SETBP1: variants seen among roughly 807,000 people sequenced by gnomAD.
SETBP1 encodes SET binding protein 1, also known as SET-binding protein.
Under a neutral mutation model 101.0 loss-of-function variants are expected in SETBP1, and 9 were observed. That is an observed-to-expected ratio of 0.09 (90% CI 0.05 to 0.16). The LOEUF is 0.16. Ranked by LOEUF, SETBP1 falls within the 10% of genes least tolerant of loss-of-function variation. The pLI is 1.00. For synonymous variants in SETBP1, 818 were observed against 788.5 expected, an observed-to-expected ratio of 1.04 and a Z score of -0.63; for missense variants, 1,858 against 2,033.8, an observed-to-expected ratio of 0.91 and a Z score of 1.66.
At chr18:45,058,704 A>G (rs188485593) in intron 5 of SETBP1, among the ~76,000 whole-genome samples, 1 of 152,366 alleles carries the variant, frequency 6.6e-6, no homozygotes, top group Admixed American at 6.5e-5. Context: ...GGAGAAATAA[A>G]TGAAATTCAG....
chr18:45,002,799 C>A (rs1220535101), intron 4 of SETBP1, among the ~76,000 whole-genome samples: 1 of 152,100 alleles, frequency 6.6e-6, no homozygotes, highest in East Asian at 1.9e-4. Flanking sequence ...GTTTGTTTTA[C>A]CCTTTCAGGC....
intron 2 of SETBP1, among the ~76,000 whole-genome samples, chr18:44,761,239 C>T (rs1311117757): frequency 1.3e-5 from 2 of 152,144 alleles, no homozygotes; most frequent in East Asian, 1.9e-4. Context: ...TTACCATATA[C>T]ATTACATTAA....
Position 44,951,701 on chromosome 18 carries a change from T to C in SETBP1, c.2361T>C (p.Asn787=). 1 of 1,614,144 alleles carries C rather than the reference T, an allele frequency of 6.2e-7. No homozygotes were observed. Among genetic ancestry groups the C allele is most frequent in the Non-Finnish European group, 8.5e-7 (1 of 1,180,036 alleles). The change falls in exon 4 of 6, where the codon AAT becomes AAC. Residue 787 remains asparagine, a synonymous_variant. Coordinates refer to ENST00000649279, the MANE Select transcript of SETBP1 (RefSeq NM_015559.3). This position sits in a 1 kb window ranked among gnomAD's most constrained non-coding sequence, Gnocchi z 7.8. ...HPLSTQLGGS[N]GNLSPASTET... is the part of the protein sequence containing the mutation. ...TTTCAACACAGTTAGGTGGGTCCAA[T>C]GGCAACCTGAGCCCTGCCAGCACTG...
In SETBP1 at chr18:44,814,715, G is replaced by A. The variant is rs146199282; in HGVS notation, c.487-54515G>A. On this transcript the variant is annotated intron_variant, in intron 2 of 5. Transcript: ENST00000649279. Reference sequence around the variant, plus strand: ...TAGATGCAGGCTGGCCGCACTCTGAGCTGTAACCTCTGATGTCGGGCAGTG... The same window carrying A: ...TAGATGCAGGCTGGCCGCACTCTGAACTGTAACCTCTGATGTCGGGCAGTG... Among the ~76,000 whole-genome samples the A allele has an allele frequency of 3.6e-3, 553 of 152,362 alleles. 3 individuals carry two copies. Among genetic ancestry groups the A allele is most frequent in the African/African-American group, 0.013 (535 of 41,578 alleles).
intron 3 of SETBP1, among the ~76,000 whole-genome samples, chr18:44,942,384 G>A (rs2071107039): frequency 6.6e-6 from 1 of 152,132 alleles, no homozygotes; most frequent in Non-Finnish European, 1.5e-5. Context: ...AATTTTTCCA[G>A]ATACTTAAGA....
intron 2 of SETBP1, among the ~76,000 whole-genome samples, chr18:44,868,713 AGGAAGGAAG>A (rs2069194218): frequency 3.2e-4 from 1 of 3,110 alleles, no homozygotes; most frequent in Non-Finnish European, 9.6e-4. Context: ...GAAGGAAGGG[AGGAAGGAAG>A]GAAGGAAGGA....
intron 4 of SETBP1, among the ~76,000 whole-genome samples, chr18:44,973,839 C>T (rs187848173): frequency 1.3e-5 from 2 of 152,122 alleles, no homozygotes; most frequent in African/African-American, 4.8e-5. Context: ...GGAGTTGGTA[C>T]TGTTAAGACT....
At chr18:44,919,611 G>A (rs567063635) in intron 3 of SETBP1, among the ~76,000 whole-genome samples, 1 of 151,954 alleles carries the variant, frequency 6.6e-6, no homozygotes, top group Non-Finnish European at 1.5e-5. Flanking sequence ...GCCTCCCTAA[G>A]TGCTGGGATT....
intron 2 of SETBP1, among the ~76,000 whole-genome samples, chr18:44,840,108 A>G (rs2072586388): frequency 6.6e-6 from 1 of 151,656 alleles, no homozygotes; most frequent in Non-Finnish European, 1.5e-5. Flanking sequence ...ATTTAGGGAC[A>G]GAGCACCCTG....
chr18:44,781,353 G>C (rs1180922753), intron 2 of SETBP1, among the ~76,000 whole-genome samples: 1 of 151,956 alleles, frequency 6.6e-6, no homozygotes, highest in Non-Finnish European at 1.5e-5. Flanking sequence ...TTTCACACAT[G>C]GTATTCTGAT....
intron 3 of SETBP1, among the ~76,000 whole-genome samples, chr18:44,930,287 A>G (rs1013992307): frequency 1.3e-5 from 2 of 152,288 alleles, no homozygotes; most frequent in African/African-American, 4.8e-5. Flanking sequence ...GGATGAAGCC[A>G]ACTTGATCGT....
intron 4 of SETBP1, among the ~76,000 whole-genome samples, chr18:44,960,359 T>C (rs1472601726): frequency 6.6e-6 from 1 of 152,100 alleles, no homozygotes; most frequent in African/African-American, 2.4e-5. Flanking sequence ...TTTTATTGTG[T>C]TCCATTTTAT....
At chr18:44,812,786 T>C (rs2071891048) in intron 2 of SETBP1, among the ~76,000 whole-genome samples, 1 of 152,242 alleles carries the variant, frequency 6.6e-6, no homozygotes, top group Non-Finnish European at 1.5e-5. Context: ...AAGGATACCT[T>C]ATGGGGCAGC....
At chr18:45,015,255 C>T (rs1277655803) in intron 4 of SETBP1, among the ~76,000 whole-genome samples, 1 of 152,228 alleles carries the variant, frequency 6.6e-6, no homozygotes, top group Non-Finnish European at 1.5e-5. Flanking sequence ...ACTCTCTACT[C>T]TAGGGGTCTG....
intron 2 of SETBP1, among the ~76,000 whole-genome samples, chr18:44,770,007 C>T (rs2070839308): frequency 6.6e-6 from 1 of 152,234 alleles, no homozygotes; most frequent in Admixed American, 6.5e-5. Flanking sequence ...CTGTCCCTGA[C>T]TCCTAGTGGA....
intron 2 of SETBP1, 99 bp from the exon 3 acceptor site, chr18:44,869,131 C>A: frequency 9.4e-7 from 1 of 1,062,128 alleles, no homozygotes; most frequent in Non-Finnish European, 1.5e-6. Context: ...CTGTAGCTCT[C>A]ATCCAGGCTA....
chr18:45,006,705 C>T (rs1420323266), intron 4 of SETBP1, among the ~76,000 whole-genome samples: 1 of 152,158 alleles, frequency 6.6e-6, no homozygotes, highest in African/African-American at 2.4e-5. Context: ...CCCTAAAGAC[C>T]TCATTTTACT....
chr18:44,950,542 G>A lies in SETBP1; in HGVS notation c.1202G>A (p.Arg401Gln), dbSNP rs144407969. ...SNPENDSSHVRITIPIKAPSL... is the reference protein window; with the variant it reads ...SNPENDSSHVQITIPIKAPSL... ...CCTGAAAATGACTCAAGTCATGTCCGGATTACTATCCCCATCAAGGCACCC... is the reference window on the plus strand; with the variant it reads ...CCTGAAAATGACTCAAGTCATGTCCAGATTACTATCCCCATCAAGGCACCC... Residue 401 changes from arginine (R) to glutamine (Q), a missense_variant, in exon 4 of 6, where the codon CGG (arginine) becomes CAG (glutamine). Coordinates refer to ENST00000649279, the MANE Select transcript of SETBP1 (RefSeq NM_015559.3). 8.5e-5 allele frequency: 137 copies of A among 1,613,858 alleles called. No individual in the cohort carries two copies. Among genetic ancestry groups the A allele is most frequent in the South Asian group, 1.9e-4 (17 of 91,078 alleles).
chr18:44,713,671 G>A (rs2069395447), intron 2 of SETBP1, among the ~76,000 whole-genome samples: 1 of 152,194 alleles, frequency 6.6e-6, no homozygotes, highest in South Asian at 2.1e-4. Context: ...CAGCTTTCTA[G>A]AAGCTATGTC....
Sources: gnomAD v4.1 joint callset for allele counts (sites outside exome capture counted in the v4.1 genomes callset) on GRCh38, gnomAD v4.1.1 for gene constraint, Gnocchi (gnomAD v3.1) non-coding constraint, MANE v1.5 for transcripts, NCBI Gene and HGNC (gene_info 2026-07-23, HGNC 2026-07-21) for gene names.